The following STK33 variants were observed in gnomAD, a reference collection of about 807,000 sequenced individuals.
STK33 encodes serine/threonine-protein kinase 33.
In STK33, 52 loss-of-function variants were observed where a neutral mutation model predicts 58.0. The ratio of observed to expected loss-of-function variants is 0.90; its 90% CI spans 0.72 to 1.13. The LOEUF (loss-of-function observed/expected upper bound fraction) is 1.13. STK33 is among the 50% of genes most tolerant of loss of function. The pLI, the probability that STK33 is intolerant of heterozygous loss-of-function variation, is 0.00. For synonymous variants in STK33, 215 were observed against 200.1 expected (o/e 1.07, Z -0.63); for missense variants, 630 against 604.2 (o/e 1.04, Z -0.45).
chr11:8,450,019 G>C (rs904518393), intron 11 of STK33, among the ~76,000 whole-genome samples: 2 of 152,134 alleles, frequency 1.3e-5, no homozygotes, highest in Non-Finnish European at 2.9e-5. Flanking sequence ...TCTAGAACTA[G>C]AAATACCATT....
In STK33 at chr11:8,547,167, A is replaced by C. The variant is rs190791062; in HGVS notation, c.-466+46916T>G. Among the ~76,000 whole-genome samples, 223 of 152,276 alleles carry C rather than the reference A, an allele frequency of 1.5e-3. 1 individual carries two copies. The highest frequency in any genetic ancestry group is 4.6e-4 in the Non-Finnish European group (31 of 68,016). On this transcript the variant is annotated intron_variant, in intron 1 of 15. Transcript: ENST00000687296. ...TGCATTTCCCTTATGATTAGCGATA[A>C]GAATTTTTTCATATAGAGTTGGCCA...
intron 1 of STK33, among the ~76,000 whole-genome samples, chr11:8,582,571 T>A (rs2030572126): frequency 6.6e-6 from 1 of 152,160 alleles, no homozygotes. Context: ...GAGAACAGCA[T>A]CAGGGAAACT....
the STK33 span, among the ~76,000 whole-genome samples, chr11:8,374,846 C>T: frequency 6.6e-6 from 1 of 152,196 alleles, no homozygotes; most frequent in African/African-American, 2.4e-5. Context: ...CACATATTCC[C>T]CAACCCACCC....
chr11:8,401,256 G>A (rs1037413225), intron 15 of STK33, among the ~76,000 whole-genome samples: 1 of 152,130 alleles, frequency 6.6e-6, no homozygotes, highest in Admixed American at 6.5e-5. Context: ...GCATGGTACT[G>A]GTACCAAAAC....
At chr11:8,551,161 G>T (rs1458442698) in intron 1 of STK33, among the ~76,000 whole-genome samples, 1 of 151,614 alleles carries the variant, frequency 6.6e-6, no homozygotes, top group Non-Finnish European at 1.5e-5. Flanking sequence ...ACAGAGTCTT[G>T]TTCTATTACC....
chr11:8,435,628 T>C, intron 13 of STK33, 49 bp from the exon 14 acceptor site: 1 of 1,147,618 alleles, frequency 8.7e-7, no homozygotes. Flanking sequence ...CTACAATTAA[T>C]AGCATACATT....
At chr11:8,376,599 T>G in the STK33 span, among the ~76,000 whole-genome samples, 27 of 152,116 alleles carry the variant, frequency 1.8e-4, no homozygotes, top group Non-Finnish European at 2.5e-4. Context: ...TGGAGTGCAG[T>G]GGCATGATCT....
chr11:8,571,711 T>TA (rs981455671), intron 1 of STK33, among the ~76,000 whole-genome samples: 89 of 151,702 alleles, frequency 5.9e-4, no homozygotes, highest in African/African-American at 2.1e-3. Flanking sequence ...CGGGTGCCTG[T>TA]AGTCCCAGCT....
the STK33 span, among the ~76,000 whole-genome samples, chr11:8,374,877 C>T: frequency 1.3e-5 from 2 of 152,350 alleles, no homozygotes; most frequent in Admixed American, 6.5e-5. Flanking sequence ...CCACCTCTCC[C>T]TCAAAGCTCT....
intron 6 of STK33, among the ~76,000 whole-genome samples, chr11:8,469,072 A>T (rs762691062): frequency 4.5e-4 from 69 of 152,200 alleles, no homozygotes; most frequent in Non-Finnish European, 8.5e-4. Context: ...GTGGTTGAAG[A>T]CTGGAGTGGC....
chr11:8,538,783 C>T (rs566420346), intron 1 of STK33, among the ~76,000 whole-genome samples: 44 of 152,168 alleles, frequency 2.9e-4, no homozygotes, highest in African/African-American at 2.4e-4. Flanking sequence ...AAAGAATGAA[C>T]GATAAACAGG....
the STK33 span, among the ~76,000 whole-genome samples, chr11:8,376,466 C>T: frequency 3.3e-5 from 5 of 152,196 alleles, no homozygotes; most frequent in Non-Finnish European, 5.9e-5. Flanking sequence ...CTCTCCTGTG[C>T]ACTTTCTTCA....
At chr11:8,527,961 C>A (rs1216777942) in intron 1 of STK33, among the ~76,000 whole-genome samples, 1 of 152,192 alleles carries the variant, frequency 6.6e-6, no homozygotes, top group African/African-American at 2.4e-5. Context: ...ATTCCATACA[C>A]AACCTTCTAG....
At chr11:8,462,483 A>ATATG (rs1947679056) in intron 7 of STK33, among the ~76,000 whole-genome samples, 2 of 151,204 alleles carry the variant, frequency 1.3e-5, no homozygotes, top group Non-Finnish European at 2.9e-5. Flanking sequence ...ATATATATAT[A>ATATG]TATGTATGTA....
intron 1 of STK33, among the ~76,000 whole-genome samples, chr11:8,557,258 A>AGGGAAGGGAAGGGC (rs1956808864): frequency 3.4e-4 from 1 of 2,940 alleles, no homozygotes; most frequent in Non-Finnish European, 5.8e-4. Flanking sequence ...GGGGAAGGGA[A>AGGGAAGGGAAGGGC]GGGGAGGGGA....
intron 3 of STK33, 147 bp from the exon 4 acceptor site, chr11:8,476,898 A>C (rs1487354210): frequency 6.6e-6 from 1 of 152,206 alleles, no homozygotes; most frequent in African/African-American, 2.4e-5. Flanking sequence ...TCATTTGTAA[A>C]TAGATTTTAA....
At chr11:8,583,382 T>G (rs2030796172) in intron 1 of STK33, among the ~76,000 whole-genome samples, 1 of 152,256 alleles carries the variant, frequency 6.6e-6, no homozygotes, top group East Asian at 1.9e-4. Flanking sequence ...ATTCCACAAA[T>G]TATTGATAAC....
intron 14 of STK33, among the ~76,000 whole-genome samples, chr11:8,414,700 T>C (rs1334182477): frequency 6.6e-6 from 1 of 152,140 alleles, no homozygotes; most frequent in African/African-American, 2.4e-5. Flanking sequence ...ACTACGCAAT[T>C]AATTCTCTGT....
intron 1 of STK33, among the ~76,000 whole-genome samples, chr11:8,513,712 T>G (rs192540946): frequency 2.6e-5 from 4 of 152,190 alleles, no homozygotes; most frequent in African/African-American, 9.6e-5. Flanking sequence ...TGTATATATT[T>G]ATGGGATACA....
Sources: allele counts gnomAD v4.1 joint callset (sites outside exome capture counted in the v4.1 genomes callset), GRCh38; gene constraint gnomAD v4.1.1; transcripts MANE v1.5; gene names NCBI Gene and HGNC (gene_info 2026-07-23, HGNC 2026-07-21).